RBMS1: variants seen among roughly 807,000 people sequenced by gnomAD.
The protein encoded by RBMS1 is RNA binding motif single stranded interacting protein 1.
A neutral mutation model predicts 62.3 loss-of-function variants in RBMS1; 17 were observed. That is an observed-to-expected ratio of 0.27 (90% CI 0.19 to 0.41). The LOEUF (loss-of-function observed/expected upper bound fraction) is 0.41, where lower values mean the gene tolerates loss of function less well. RBMS1 is among the 10% of genes least tolerant of loss of function. RBMS1 has a pLI of 1.00. For missense variants in RBMS1, 334 were observed against 504.5 expected, an observed-to-expected ratio of 0.66 and a Z score of 3.24; for synonymous variants, 172 against 170.0, an observed-to-expected ratio of 1.01 and a Z score of -0.09.
chr2:160,385,929 G>A (rs1335475332), intron 1 of RBMS1, among the ~76,000 whole-genome samples: 2 of 152,184 alleles, frequency 1.3e-5, no homozygotes, highest in South Asian at 2.1e-4. Context: ...TGGTAACCTG[G>A]GAAACCTAGG....
rs560990039 is a variant in RBMS1, at chr2:160,443,615, C to G, written c.75+49674G>C. Among the ~76,000 whole-genome samples the G allele has an allele frequency of 1.3e-4, 20 of 152,192 alleles. No individual in the cohort carries two copies. The East Asian group carries it at 3.9e-3, about 29-fold the overall frequency. Reference sequence around the variant, plus strand: ...TCGCCATGTGAAGTGCCTGCTCTGGCTTTGCCTTCTGTCACGAGTCAAAGC... The same window carrying G: ...TCGCCATGTGAAGTGCCTGCTCTGGGTTTGCCTTCTGTCACGAGTCAAAGC... On this transcript the variant is annotated intron_variant, in intron 1 of 13. Transcript: ENST00000348849.
At chr2:160,445,708 A>G (rs1043516584) in intron 1 of RBMS1, among the ~76,000 whole-genome samples, 4 of 152,214 alleles carry the variant, frequency 2.6e-5, no homozygotes, top group Non-Finnish European at 5.9e-5. Context: ...TCTTGCTACA[A>G]TGCACATTTA....
At chr2:160,328,878 T>C (rs1055027024) in intron 2 of RBMS1, among the ~76,000 whole-genome samples, 2 of 152,106 alleles carry the variant, frequency 1.3e-5, no homozygotes, top group Non-Finnish European at 2.9e-5. Flanking sequence ...TTAAACTCCA[T>C]CACTGAAAAC....
In RBMS1 at chr2:160,493,571, CT is replaced by C; in HGVS notation, c.-209del. The C allele has an allele frequency of 1.7e-6, 1 of 595,150 alleles. No homozygotes were observed. Among genetic ancestry groups the C allele is most frequent in the Non-Finnish European group, 3.0e-6 (1 of 336,084 alleles). 36.9% of individuals were successfully genotyped at this position (595,150 alleles called of 1,614,324 possible). ...TCCTCCTCCTCCTCCTCCTCCTCCTCTTCCTCCTCCTCCTCCTCCTCCCAGG... is the reference window on the plus strand; with the variant it reads ...TCCTCCTCCTCCTCCTCCTCCTCCTCTCCTCCTCCTCCTCCTCCTCCCAGG... On this transcript the variant is annotated 5_prime_UTR_variant, in exon 1 of 14. Transcript: ENST00000348849.
intron 1 of RBMS1, among the ~76,000 whole-genome samples, chr2:160,425,743 T>A (rs756599609): frequency 6.6e-6 from 1 of 152,202 alleles, no homozygotes; most frequent in Non-Finnish European, 1.5e-5. Context: ...ATTTTGTGCC[T>A]TGAATGGAAA....
intron 1 of RBMS1, among the ~76,000 whole-genome samples, chr2:160,452,943 T>C (rs985960022): frequency 9.9e-5 from 15 of 152,228 alleles, no homozygotes; most frequent in African/African-American, 3.6e-4. Context: ...TCAAGTCACT[T>C]AACCTTGTAA....
intron 2 of RBMS1, among the ~76,000 whole-genome samples, chr2:160,350,991 T>C (rs1225709530): frequency 6.6e-6 from 1 of 152,064 alleles, no homozygotes; most frequent in Admixed American, 6.6e-5. Context: ...GTGTTCCTAT[T>C]CGCCATAAAA....
chr2:160,435,623 A>C (rs1392801009), intron 1 of RBMS1, among the ~76,000 whole-genome samples: 2 of 152,186 alleles, frequency 1.3e-5, no homozygotes, highest in Non-Finnish European at 2.9e-5. Flanking sequence ...TTCCAGCCTT[A>C]CTTTTTTCTG....
intron 2 of RBMS1, among the ~76,000 whole-genome samples, chr2:160,364,028 T>C (rs1693267787): frequency 6.6e-6 from 1 of 152,204 alleles, no homozygotes; most frequent in African/African-American, 2.4e-5. Context: ...GAGCCCTCAA[T>C]TCATCCATCT....
At chr2:160,299,207 A>G (rs1485585835) in intron 6 of RBMS1, among the ~76,000 whole-genome samples, 2 of 152,204 alleles carry the variant, frequency 1.3e-5, no homozygotes, top group Non-Finnish European at 2.9e-5. Flanking sequence ...GGAAGTGAAG[A>G]CTACACTTTT....
At chr2:160,287,476 C>T (rs2105937444) in intron 6 of RBMS1, among the ~76,000 whole-genome samples, 1 of 152,320 alleles carries the variant, frequency 6.6e-6, no homozygotes, top group Middle Eastern at 3.4e-3. Flanking sequence ...CCCTTAGCGT[C>T]CCATTATAAT....
chr2:160,433,341 G>A (rs910916415), intron 1 of RBMS1, among the ~76,000 whole-genome samples: 6 of 152,228 alleles, frequency 3.9e-5, no homozygotes, highest in Non-Finnish European at 8.8e-5. Flanking sequence ...CTTGAGCCTG[G>A]AAGTTGAGGC....
Position 160,446,528 on chromosome 2 carries a change from C to T in RBMS1, c.75+46761G>A, listed in dbSNP as rs557112896. Among the ~76,000 whole-genome samples the T allele has an allele frequency of 1.3e-5, 2 of 152,260 alleles. 1 individual carries two copies. The highest frequency in any genetic ancestry group is 4.1e-4 in the South Asian group (2 of 4,824). On this transcript the variant is annotated intron_variant, in intron 1 of 13. Transcript: ENST00000348849. Reference sequence around the variant, plus strand: ...GTCTTTCTTTCCTCTTAGGCCAAAGCGTTCTCAGCATCTTCACTTTTCTCA... The same window carrying T: ...GTCTTTCTTTCCTCTTAGGCCAAAGTGTTCTCAGCATCTTCACTTTTCTCA...
At chr2:160,462,477 A>C (rs1684507362) in intron 1 of RBMS1, among the ~76,000 whole-genome samples, 1 of 152,218 alleles carries the variant, frequency 6.6e-6, no homozygotes. Context: ...TGGGTGGAAG[A>C]CTTTAAACCT....
intron 2 of RBMS1, among the ~76,000 whole-genome samples, chr2:160,356,778 G>A (rs985332437): frequency 6.6e-6 from 1 of 152,012 alleles, no homozygotes; most frequent in Non-Finnish European, 1.5e-5. Context: ...TTCTATTATA[G>A]CAGCAGATAA....
rs567851437 is a variant in RBMS1, at chr2:160,476,912, C to T, written c.75+16377G>A. Among the ~76,000 whole-genome samples the T allele has an allele frequency of 1.2e-3, 189 of 152,306 alleles. 1 individual carries two copies. Among genetic ancestry groups the T allele is most frequent in the African/African-American group, 4.4e-3 (181 of 41,554 alleles). On this transcript the variant is annotated intron_variant, in intron 1 of 13. Coordinates refer to ENST00000348849, the MANE Select transcript of RBMS1 (RefSeq NM_016836.4). ...TTCTTGTAAAGGAAGCCTGCATGTA[C>T]ACAAATTACTGTTTATAAAGTACGA...
At chr2:160,437,160 C>G (rs1436979715) in intron 1 of RBMS1, among the ~76,000 whole-genome samples, 2 of 152,178 alleles carry the variant, frequency 1.3e-5, no homozygotes, top group Admixed American at 1.3e-4. Flanking sequence ...TTGACAACTA[C>G]TATCCCAAAG....
In RBMS1 at chr2:160,444,820, T is replaced by TATGC. The variant is rs369403027; in HGVS notation, c.75+48465_75+48468dup. Among the ~76,000 whole-genome samples, 526 of 152,074 alleles carry TATGC rather than the reference T, an allele frequency of 3.5e-3. 4 individuals are homozygous for TATGC. Among genetic ancestry groups the TATGC allele is most frequent in the African/African-American group, 0.012 (504 of 41,438 alleles). ...TCCCCCAACCCCAGCACCAAACACA[T>TATGC]ATGCACTAAGGAAGGACACATGCGC... On this transcript the variant is annotated intron_variant, in intron 1 of 13. Coordinates refer to ENST00000348849, the MANE Select transcript of RBMS1 (RefSeq NM_016836.4).
intron 1 of RBMS1, among the ~76,000 whole-genome samples, chr2:160,446,305 T>C (rs1478027672): frequency 6.6e-6 from 1 of 152,176 alleles, no homozygotes; most frequent in African/African-American, 2.4e-5. Flanking sequence ...ATCCTGTTCA[T>C]AAACTCATTG....
Sources: allele counts gnomAD v4.1 joint callset (sites outside exome capture counted in the v4.1 genomes callset), GRCh38; gene constraint gnomAD v4.1.1; transcripts MANE v1.5; gene names NCBI Gene and HGNC (gene_info 2026-07-23, HGNC 2026-07-21).